The following RARB variants were observed in gnomAD, a reference collection of about 807,000 sequenced individuals.
RARB encodes retinoic acid receptor beta.
In RARB, 17 loss-of-function variants were observed where a neutral mutation model predicts 51.9. The ratio of observed to expected loss-of-function variants is 0.33; its 90% confidence interval spans 0.22 to 0.49. RARB has a LOEUF of 0.49. RARB is among the 20% of genes least tolerant of loss of function. The pLI is 0.99. For missense variants in RARB, 369 were observed against 550.8 expected (o/e 0.67, Z 3.30); for synonymous variants, 215 against 195.4 (o/e 1.10, Z -0.84).
At chr3:25,451,833 T>A (rs1294965658) in intron 1 of RARB, among the ~76,000 whole-genome samples, 2 of 152,256 alleles carry the variant, frequency 1.3e-5, no homozygotes, top group African/African-American at 4.8e-5. Context: ...GATATACATG[T>A]TAATGCTCCT....
intron 3 of RARB, among the ~76,000 whole-genome samples, chr3:25,548,101 C>CTTT (rs66817079): frequency 4.8e-5 from 6 of 126,296 alleles, no homozygotes; most frequent in Admixed American, 7.9e-5. Context: ...ATTCATTTGG[C>CTTT]TTTTTTTTTT....
intron 2 of RARB, among the ~76,000 whole-genome samples, chr3:24,999,778 C>A (rs146036343): frequency 2.4e-3 from 358 of 152,218 alleles, no homozygotes; most frequent in African/African-American, 8.3e-3. Flanking sequence ...ATGGTGGTAT[C>A]CCACTCCCTC....
At chr3:24,947,068 T>G (rs566771986) in intron 2 of RARB, among the ~76,000 whole-genome samples, 21 of 152,298 alleles carry the variant, frequency 1.4e-4, no homozygotes, top group Admixed American at 4.6e-4. Context: ...TTGAGGCTGC[T>G]GAGTTAGAGA....
chr3:24,859,301 A>G (rs184698403), intron 2 of RARB, among the ~76,000 whole-genome samples: 1 of 152,220 alleles, frequency 6.6e-6, no homozygotes, highest in East Asian at 1.9e-4. Context: ...GAGGTTGGGG[A>G]GAGAGTTGTG....
intron 5 of RARB, among the ~76,000 whole-genome samples, chr3:25,381,337 A>G (rs1198611126): frequency 3.3e-5 from 5 of 152,230 alleles, no homozygotes; most frequent in Non-Finnish European, 7.3e-5. Flanking sequence ...GAGGCAATGT[A>G]GTACAGTGGC....
chr3:25,145,246 T>G (rs1390688775), intron 4 of RARB, among the ~76,000 whole-genome samples: 1 of 152,250 alleles, frequency 6.6e-6, no homozygotes, highest in Non-Finnish European at 1.5e-5. Flanking sequence ...CTCTTCCAAA[T>G]GCCTCCCTGT....
chr3:25,052,863 C>G (rs1223072728), intron 2 of RARB, among the ~76,000 whole-genome samples: 1 of 148,680 alleles, frequency 6.7e-6, no homozygotes, highest in Non-Finnish European at 1.5e-5. Flanking sequence ...AGTGGGGTCA[C>G]AAGTGAGAGG....
intron 5 of RARB, among the ~76,000 whole-genome samples, chr3:25,378,656 C>G (rs1015427630): frequency 2.6e-5 from 4 of 152,058 alleles, no homozygotes; most frequent in Non-Finnish European, 4.4e-5. Context: ...TCTATGGTAC[C>G]TACCCACTAC....
At chr3:25,195,438 A>C (rs1318009706) in intron 5 of RARB, among the ~76,000 whole-genome samples, 1 of 152,044 alleles carries the variant, frequency 6.6e-6, no homozygotes, top group South Asian at 2.1e-4. Flanking sequence ...ATATTTCTTA[A>C]GACGATTCAG....
At chr3:25,562,871 G>C (rs532726194) in intron 3 of RARB, among the ~76,000 whole-genome samples, 1 of 152,316 alleles carries the variant, frequency 6.6e-6, no homozygotes, top group South Asian at 2.1e-4. Flanking sequence ...AAAGTAACCA[G>C]TGAGGGAAAT....
chr3:25,154,852 G>A (rs1700348922), intron 4 of RARB, among the ~76,000 whole-genome samples: 1 of 152,192 alleles, frequency 6.6e-6, no homozygotes, highest in South Asian at 2.1e-4. Context: ...ACCTACATCT[G>A]AGCATGGCGC....
chr3:25,105,572 T>G (rs1699484443), intron 3 of RARB, among the ~76,000 whole-genome samples: 1 of 152,180 alleles, frequency 6.6e-6, no homozygotes, highest in Non-Finnish European at 1.5e-5. Flanking sequence ...TGTTTATAGG[T>G]GTCAGTGCAT....
rs138491550 is a variant in RARB, at chr3:25,238,148, G to GCA, written c.178+63574_178+63575insAC. ...TTAACCAACCTGTCTTCATCCTCCA[G>GCA]CGCCCCCCCACACATCCTTCCCAGT... On this transcript the variant is annotated intron_variant, in intron 5 of 11. Coordinates refer to the RARB transcript ENST00000383772. Among the ~76,000 whole-genome samples the GCA allele has an allele frequency of 8.7e-4, 130 of 149,528 alleles. No individual in the cohort carries two copies. The Middle Eastern group carries it at 0.01, about 12-fold the overall frequency.
chr3:25,024,921 TC>T (rs1689055355), intron 2 of RARB: 1 of 125,990 alleles, frequency 7.9e-6, no homozygotes, highest in African/African-American at 3.2e-5. Flanking sequence ...CCACTGTCAC[TC>T]CAGCCTGGAC....
chr3:24,863,990 A>G (rs1441850607), intron 2 of RARB, among the ~76,000 whole-genome samples: 4 of 152,018 alleles, frequency 2.6e-5, no homozygotes, highest in Admixed American at 6.6e-5. Flanking sequence ...CCAATTCTTC[A>G]TTAACCCTGA....
At chr3:24,968,869 T>A (rs1298044337) in intron 2 of RARB, among the ~76,000 whole-genome samples, 1 of 152,028 alleles carries the variant, frequency 6.6e-6, no homozygotes, top group Non-Finnish European at 1.5e-5. Flanking sequence ...AAATGAGAGG[T>A]CATTACTCTG....
At chr3:25,359,422 C>T (rs1475245137) in intron 5 of RARB, among the ~76,000 whole-genome samples, 1 of 149,752 alleles carries the variant, frequency 6.7e-6, no homozygotes, top group Non-Finnish European at 1.5e-5. Flanking sequence ...TAAAAAAATA[C>T]CACCTCCTGG....
At chr3:25,045,350 T>A (rs1698192208) in intron 2 of RARB, among the ~76,000 whole-genome samples, 1 of 152,124 alleles carries the variant, frequency 6.6e-6, no homozygotes, top group South Asian at 2.1e-4. Context: ...GGTTCTGCAG[T>A]GAGACAGGAG....
chr3:25,418,331 C>T (rs1328632007), intron 5 of RARB, among the ~76,000 whole-genome samples: 1 of 152,108 alleles, frequency 6.6e-6, no homozygotes. Context: ...TAATGCCAAA[C>T]ATTACATGGT....
Sources: gnomAD v4.1 joint callset for allele counts (sites outside exome capture counted in the v4.1 genomes callset) on GRCh38, gnomAD v4.1.1 for gene constraint, MANE v1.5 for transcripts, NCBI Gene and HGNC (gene_info 2026-07-23, HGNC 2026-07-21) for gene names.